The following XRN2 variants were observed in gnomAD, a reference collection of about 807,000 sequenced individuals.
The protein encoded by XRN2 is 5'-3' exoribonuclease 2, also known as DHM1-like protein.
In XRN2, 44 loss-of-function variants were observed where a neutral mutation model predicts 138.5. That is an observed-to-expected ratio of 0.32 (90% CI 0.25 to 0.41). XRN2 has a LOEUF of 0.41. Ranked by LOEUF, XRN2 falls within the 10% of genes least tolerant of loss-of-function variation. XRN2 has a pLI of 1.00. For synonymous variants in XRN2, 354 were observed against 369.4 expected (o/e 0.96, Z 0.48); for missense variants, 937 against 1,169.3 (o/e 0.80, Z 2.90).
intron 27 of XRN2, among the ~76,000 whole-genome samples, chr20:21,370,065 T>C (rs2038744397): frequency 6.6e-6 from 1 of 152,218 alleles, no homozygotes; most frequent in African/African-American, 2.4e-5. Context: ...GTTTTATTCT[T>C]CTGCATATGG....
rs189006802 is a variant in XRN2 at position 21,329,798 on chromosome 20, C to G, written c.428-683C>G. ...GTGATGAACTCGGCATTTTAAATTT[C>G]ATTTTTCTTAGGCACCTTTATTTTA... is the stretch of plus-strand genomic sequence containing the variant. On this transcript the variant is annotated intron_variant, in intron 4 of 29. Transcript: ENST00000377191. 2.0e-5 allele frequency among the ~76,000 whole-genome samples: 3 copies of G among 147,690 alleles called. No homozygotes were observed. The Admixed American group carries it at 2.1e-4, about 10-fold the overall frequency.
chr20:21,331,922 A>G, intron 8 of XRN2, 104 bp downstream of exon 8: 1 of 1,277,750 alleles, frequency 7.8e-7, no homozygotes, highest in Non-Finnish European at 1.1e-6. Flanking sequence ...AAGTTCCAAA[A>G]TGCCTTGGTT....
intron 27 of XRN2, among the ~76,000 whole-genome samples, chr20:21,379,199 A>C (rs1482429051): frequency 6.6e-6 from 1 of 152,188 alleles, no homozygotes; most frequent in African/African-American, 2.4e-5. Context: ...CCAAAGGAAA[A>C]AATTTTCCAC....
chr20:21,346,537 G>C lies in XRN2; in HGVS notation c.1652G>C (p.Arg551Thr), dbSNP rs2038438111. 6.2e-7 allele frequency: 1 copy of C among 1,613,692 alleles called. No homozygotes were observed. Among genetic ancestry groups the C allele is most frequent in the African/African-American group, 1.3e-5 (1 of 74,912 alleles). The change falls in exon 17 of 30, where the codon AGA becomes ACA. Residue 551 changes from arginine to threonine, a missense_variant. Arg to Thr is a moderately conservative substitution (Grantham distance 71). Coordinates refer to ENST00000377191, the MANE Select transcript of XRN2 (RefSeq NM_012255.5). The stretch of plus-strand genomic sequence containing the variant: ...GTTGAAGGACTTTGCTGGGTTCTTA[G>C]ATATTATTACCAGGTACAAAAAGAA... The part of the protein sequence containing the change: ...SYVEGLCWVL[R>T]YYYQGCASWK...
At chr20:21,329,111 A>G (rs762755559) in intron 4 of XRN2, among the ~76,000 whole-genome samples, 2 of 152,200 alleles carry the variant, frequency 1.3e-5, no homozygotes, top group African/African-American at 2.4e-5. Context: ...AGGAAGCCGG[A>G]GGTGATTCGA....
chr20:21,356,102 T>G lies in XRN2; in HGVS notation c.2043T>G (p.Gly681=). The G allele has an allele frequency of 6.2e-7, 1 of 1,612,676 alleles. No individual in the cohort carries two copies. ...TAGCCAGAAGAAACAGCCTTGGAGGTGATGTCTTATTTGTGGGGAAACATC... is the reference window on the plus strand; with the variant it reads ...TAGCCAGAAGAAACAGCCTTGGAGGGGATGTCTTATTTGTGGGGAAACATC... ...PEETRRNSLG[G]DVLFVGKHHP... The change falls in exon 22 of 30, where the codon GGT becomes GGG. Residue 681 remains glycine, a synonymous_variant. Transcript: ENST00000377191.
intron 20 of XRN2, among the ~76,000 whole-genome samples, chr20:21,353,264 A>ATATC (rs2038535181): frequency 3.1e-4 from 4 of 13,100 alleles, no homozygotes; most frequent in African/African-American, 6.6e-4. Flanking sequence ...ATATATATAT[A>ATATC]TCTCTTAAAT....
chr20:21,313,014 G>C (rs1376973403), intron 1 of XRN2, among the ~76,000 whole-genome samples: 3 of 152,194 alleles, frequency 2.0e-5, no homozygotes, highest in Non-Finnish European at 4.4e-5. Context: ...GTGAGGTACA[G>C]AAACAGCTTA....
chr20:21,354,459 G>A (rs1038455879), intron 20 of XRN2, among the ~76,000 whole-genome samples: 2 of 152,140 alleles, frequency 1.3e-5, no homozygotes, highest in African/African-American at 4.8e-5. Flanking sequence ...GGGCATCTTA[G>A]TAACTAAAGT....
intron 13 of XRN2, among the ~76,000 whole-genome samples, chr20:21,337,706 G>A (rs2038315103): frequency 6.6e-6 from 1 of 152,154 alleles, no homozygotes; most frequent in African/African-American, 2.4e-5. Context: ...TACTGCTAAA[G>A]GTCATCACCA....
chr20:21,333,757 G>C lies in XRN2; in HGVS notation c.987G>C (p.Glu329Asp). Residue 329 changes from glutamate (E) to aspartate (D), a missense_variant, in exon 11 of 30, where the codon GAG (glutamate) becomes GAC (aspartate). Transcript: ENST00000377191. ...MASLPFTFDV[E>D]RSIDDWVFMC... ...GCCTACCATTCACATTTGATGTTGA[G>C]AGGAGCATTGATGACTGGGTTTTCA... 1 of 1,614,136 alleles carries C rather than the reference G, an allele frequency of 6.2e-7. No homozygotes were observed. The highest frequency in any genetic ancestry group is 8.5e-7 in the Non-Finnish European group (1 of 1,180,004).
chr20:21,326,464 A>G (rs1255711534), intron 2 of XRN2, 26 bp from the exon 3 acceptor site: 1 of 1,613,856 alleles, frequency 6.2e-7, no homozygotes, highest in African/African-American at 1.3e-5. Flanking sequence ...ATTATATTAT[A>G]TTACATTGTT....
chr20:21,368,368 A>T, intron 26 of XRN2, 95 bp from the exon 27 acceptor site: 1 of 1,462,224 alleles, frequency 6.8e-7, no homozygotes, highest in Non-Finnish European at 9.3e-7. Context: ...GTTAGTGAAG[A>T]CGTGGCTATG....
At chr20:21,339,453 A>ACTCTAAACTTGTTTCTCTG (rs1186755690) in intron 14 of XRN2, among the ~76,000 whole-genome samples, 3 of 152,034 alleles carry the variant, frequency 2.0e-5, no homozygotes, top group Non-Finnish European at 2.9e-5. Context: ...AGAACACAAC[A>ACTCTAAACTTGTTTCTCTG]CTCTAAACTT....
intron 27 of XRN2, among the ~76,000 whole-genome samples, chr20:21,380,887 G>A (rs1243295958): frequency 6.6e-6 from 1 of 152,192 alleles, no homozygotes; most frequent in Non-Finnish European, 1.5e-5. Context: ...CTTCAGTCTG[G>A]CCTTCTCAGC....
At chr20:21,376,339 C>T (rs747301804) in intron 27 of XRN2, among the ~76,000 whole-genome samples, 6 of 152,142 alleles carry the variant, frequency 3.9e-5, no homozygotes, top group Non-Finnish European at 7.4e-5. Flanking sequence ...TGGGTAACAG[C>T]AAGACCCTGT....
At chr20:21,366,327 C>G (rs1239042430) in intron 26 of XRN2, among the ~76,000 whole-genome samples, 2 of 148,026 alleles carry the variant, frequency 1.4e-5, no homozygotes, top group East Asian at 4.0e-4. Context: ...GCAGGCAGAT[C>G]ATGAGATCAG....
rs1279419896 is a variant in XRN2 at position 21,339,068 on chromosome 20, GAAAA to G, written c.1261_1264del (p.Lys421GlufsTer4). ...GGACAGTTTTAGAAGACGACAGAAA[GAAAA>G]AAGAAAGAGAATGAAGGTGAGTTTT... On this transcript the variant is annotated frameshift_variant, in exon 14 of 30. Coordinates refer to ENST00000377191, the MANE Select transcript of XRN2 (RefSeq NM_012255.5). LOFTEE classifies it high-confidence loss of function. The G allele has an allele frequency of 6.2e-7, 1 of 1,604,028 alleles. No individual in the cohort carries two copies. Among genetic ancestry groups the G allele is most frequent in the Non-Finnish European group, 8.5e-7 (1 of 1,174,960 alleles).
At position 21,344,146 on chromosome 20, in the gene XRN2, A is replaced by G; in HGVS notation, c.1467A>G (p.Leu489=). The change falls in exon 16 of 30, where the codon TTA becomes TTG. Residue 489 remains leucine, a synonymous_variant. Transcript: ENST00000377191. ...SFTSDGSPSP[L]GGIKRKAEDS... ...CATCTGATGGCTCCCCGTCTCCATTAGGAGGAATTAAGCGAAAAGCAGAAG... is the reference window on the plus strand; with the variant it reads ...CATCTGATGGCTCCCCGTCTCCATTGGGAGGAATTAAGCGAAAAGCAGAAG... 1.2e-6 allele frequency: 2 copies of G among 1,613,594 alleles called. No homozygotes were observed. The highest frequency in any genetic ancestry group is 1.7e-6 in the Non-Finnish European group (2 of 1,179,562).
Sources: allele counts gnomAD v4.1 joint callset (sites outside exome capture counted in the v4.1 genomes callset), GRCh38; gene constraint gnomAD v4.1.1; transcripts MANE v1.5; gene names NCBI Gene and HGNC (gene_info 2026-07-23, HGNC 2026-07-21).